Variants in ATRNL1 observed in about 807,000 individuals in gnomAD.
ATRNL1 encodes the protein attractin like 1, also known as attractin-like protein 1.
ATRNL1 carries 95 observed loss-of-function variants against 182.7 expected under a neutral mutation model. That is an observed-to-expected ratio of 0.52 (90% CI 0.44 to 0.62). ATRNL1 has a LOEUF of 0.62. Among genes scored for constraint, ATRNL1 ranks in the 20% least tolerant of loss-of-function variants. The probability of loss-of-function intolerance (pLI) is 0.00; values close to 1 mark genes in which losing one functional copy is unlikely to be tolerated. For synonymous variants in ATRNL1, 576 were observed against 568.3 expected, an observed-to-expected ratio of 1.01 and a Z score of -0.19; for missense variants, 1,471 against 1,679.5, an observed-to-expected ratio of 0.88 and a Z score of 2.17.
intron 27 of ATRNL1, among the ~76,000 whole-genome samples, chr10:115,755,795 G>T (rs1380115165): frequency 1.3e-5 from 2 of 152,050 alleles, no homozygotes; most frequent in African/African-American, 4.8e-5. Flanking sequence ...AATTTGTCTG[G>T]TCCTGGACGT....
intron 18 of ATRNL1, among the ~76,000 whole-genome samples, chr10:115,317,852 T>C (rs578080240): frequency 9.8e-5 from 15 of 152,354 alleles, no homozygotes; most frequent in Admixed American, 9.2e-4. Flanking sequence ...CAAAGAAAAC[T>C]TGACTTCTTC....
At chr10:115,230,293 G>A (rs1345755547) in intron 9 of ATRNL1, among the ~76,000 whole-genome samples, 1 of 152,168 alleles carries the variant, frequency 6.6e-6, no homozygotes, top group Non-Finnish European at 1.5e-5. Context: ...AAGATAGAGA[G>A]TTTCAGATTG....
intron 26 of ATRNL1, among the ~76,000 whole-genome samples, chr10:115,682,103 G>T (rs1197317406): frequency 1.3e-5 from 2 of 152,094 alleles, no homozygotes; most frequent in African/African-American, 4.8e-5. Context: ...AACTCTGTTG[G>T]ATTTTCCTTT....
chr10:115,764,226 C>G (rs1165960527), intron 27 of ATRNL1, among the ~76,000 whole-genome samples: 2 of 152,080 alleles, frequency 1.3e-5, no homozygotes, highest in Admixed American at 1.3e-4. Context: ...TACCTCCTGC[C>G]TCTGCATGCA....
At chr10:115,391,216 AG>A (rs1485968620) in intron 19 of ATRNL1, among the ~76,000 whole-genome samples, 1 of 152,186 alleles carries the variant, frequency 6.6e-6, no homozygotes, top group Non-Finnish European at 1.5e-5. Context: ...GAAGTGGTAA[AG>A]GTGGACATCC....
chr10:115,824,047 C>A (rs923349278), intron 27 of ATRNL1, among the ~76,000 whole-genome samples: 35 of 152,082 alleles, frequency 2.3e-4, no homozygotes, highest in Admixed American at 1.4e-3. Context: ...GCTACAGTAA[C>A]CAAAACAGCA....
intron 21 of ATRNL1, among the ~76,000 whole-genome samples, chr10:115,434,707 T>C (rs1846320641): frequency 6.6e-6 from 1 of 152,178 alleles, no homozygotes; most frequent in Non-Finnish European, 1.5e-5. Flanking sequence ...TTCAATTTTT[T>C]CTGAAAGGCA....
intron 18 of ATRNL1, among the ~76,000 whole-genome samples, chr10:115,326,067 A>C (rs1353285006): frequency 3.3e-5 from 5 of 151,954 alleles, no homozygotes; most frequent in African/African-American, 1.2e-4. Flanking sequence ...ATTTTCTATG[A>C]AACAGTACCT....
At chr10:115,097,314 T>C (rs935995488) in intron 1 of ATRNL1, among the ~76,000 whole-genome samples, 3 of 152,022 alleles carry the variant, frequency 2.0e-5, no homozygotes, top group Admixed American at 2.0e-4. Context: ...TGAGACCTCA[T>C]CTCTACAAAA....
intron 26 of ATRNL1, among the ~76,000 whole-genome samples, chr10:115,665,119 G>A (rs1860925486): frequency 2.6e-5 from 4 of 152,118 alleles, no homozygotes; most frequent in Non-Finnish European, 1.5e-5. Flanking sequence ...CAATAGAAGA[G>A]GCAATATGTT....
At chr10:115,369,407 G>T (rs144398360) in intron 19 of ATRNL1, among the ~76,000 whole-genome samples, 3 of 152,092 alleles carry the variant, frequency 2.0e-5, no homozygotes, top group East Asian at 3.9e-4. Context: ...TCTGTGAGCG[G>T]GATTGGGGTT....
intron 26 of ATRNL1, among the ~76,000 whole-genome samples, chr10:115,564,770 GTTATT>G (rs1284146227): frequency 6.6e-6 from 1 of 151,722 alleles, no homozygotes; most frequent in Non-Finnish European, 1.5e-5. Flanking sequence ...GTTTTCTGAA[GTTATT>G]TTATACATAC....
chr10:115,297,134 T>TCTTAA (rs80171969), intron 15 of ATRNL1, among the ~76,000 whole-genome samples: 146,403 of 152,100 alleles, frequency 0.96, 70,499 homozygotes, highest in East Asian at 1. Context: ...AAGTCTTTTC[T>TCTTAA]CTTGTCTTGA....
At chr10:115,401,805 A>T (rs112825783) in intron 20 of ATRNL1, among the ~76,000 whole-genome samples, 21 of 152,224 alleles carry the variant, frequency 1.4e-4, no homozygotes, top group African/African-American at 4.8e-4. Flanking sequence ...CTGTTTAAAA[A>T]CAATTGCAAT....
chr10:115,419,158 C>A (rs1374942346), intron 20 of ATRNL1, among the ~76,000 whole-genome samples: 3 of 151,986 alleles, frequency 2.0e-5, no homozygotes, highest in African/African-American at 7.2e-5. Flanking sequence ...TAAAATGTAC[C>A]ATTTTTGTTG....
intron 24 of ATRNL1, among the ~76,000 whole-genome samples, chr10:115,494,400 C>T (rs1554977544): frequency 6.6e-6 from 1 of 152,094 alleles, no homozygotes; most frequent in Non-Finnish European, 1.5e-5. Context: ...AGTAGGCATC[C>T]TTGTTTTGTC....
Position 115,323,484 on chromosome 10 carries a change from G to T in ATRNL1, c.3037+7748G>T, listed in dbSNP as rs933625407. 1.7e-4 allele frequency among the ~76,000 whole-genome samples: 21 copies of T among 124,214 alleles called. 1 individual carries two copies. The highest frequency in any genetic ancestry group is 2.8e-4 in the Non-Finnish European group (18 of 63,280). The allele number at this position is 124,214 out of a possible 152,430, so 81.5% of individuals were successfully genotyped here. The stretch of plus-strand genomic sequence containing the variant: ...ATTGAGACAGAGTTTCACTCTTGTT[G>T]CCCAGGCTGGAGTGCAGTGGCGCAA... On this transcript the variant is annotated intron_variant, in intron 18 of 28. Transcript: ENST00000355044.
At chr10:115,940,889 T>C (rs1953711868) in intron 28 of ATRNL1, among the ~76,000 whole-genome samples, 1 of 152,224 alleles carries the variant, frequency 6.6e-6, no homozygotes, top group South Asian at 2.1e-4. Flanking sequence ...AATAACTTGA[T>C]ATTTAAGGCA....
intron 27 of ATRNL1, among the ~76,000 whole-genome samples, chr10:115,752,727 G>A (rs1320017884): frequency 1.3e-5 from 2 of 152,040 alleles, no homozygotes; most frequent in Non-Finnish European, 2.9e-5. Context: ...TAGACAGTGA[G>A]TACTCCATAA....
Sources: allele counts gnomAD v4.1 joint callset (sites outside exome capture counted in the v4.1 genomes callset), GRCh38; gene constraint gnomAD v4.1.1; transcripts MANE v1.5; gene names NCBI Gene and HGNC (gene_info 2026-07-23, HGNC 2026-07-21).